Variants in PTPRO observed in about 807,000 individuals in gnomAD.
The protein encoded by PTPRO is receptor-type tyrosine-protein phosphatase O.
In PTPRO, 62 loss-of-function variants were observed where a neutral mutation model predicts 145.2. The observed-to-expected ratio is 0.43, with a 90% CI of 0.35 to 0.53. The LOEUF is 0.53. Among genes scored for constraint, PTPRO ranks in the 20% least tolerant of loss-of-function variants. The probability of loss-of-function intolerance (pLI) is 0.01; values close to 1 mark genes in which losing one functional copy is unlikely to be tolerated. For missense variants in PTPRO, 1,345 were observed against 1,482.7 expected (o/e 0.91, Z 1.53); for synonymous variants, 565 against 514.7 (o/e 1.10, Z -1.32).
chr12:15,575,813 C>T (rs1385058074), intron 19 of PTPRO, among the ~76,000 whole-genome samples: 2 of 152,216 alleles, frequency 1.3e-5, no homozygotes, highest in Admixed American at 1.3e-4. Context: ...TTCTTTGCCT[C>T]TTTCAGCTTC....
At chr12:15,477,403 A>G (rs1157607078) in intron 1 of PTPRO, among the ~76,000 whole-genome samples, 1 of 148,824 alleles carries the variant, frequency 6.7e-6, no homozygotes, top group Non-Finnish European at 1.5e-5. Flanking sequence ...CTAATGCTAG[A>G]TGATGAGTTA....
At chr12:15,486,856 T>C (rs1941898937) in intron 2 of PTPRO, among the ~76,000 whole-genome samples, 1 of 151,774 alleles carries the variant, frequency 6.6e-6, no homozygotes, top group South Asian at 2.1e-4. Context: ...ATAATACAAT[T>C]ATTTCTATGG....
intron 1 of PTPRO, chr12:15,440,051 C>CA: frequency 1.5e-6 from 1 of 648,546 alleles, no homozygotes; most frequent in Non-Finnish European, 2.8e-6. Context: ...GATCTGCAAG[C>CA]CCCACACTGT....
intron 1 of PTPRO, among the ~76,000 whole-genome samples, chr12:15,373,302 A>G (rs1452464852): frequency 6.6e-6 from 1 of 152,220 alleles, no homozygotes; most frequent in African/African-American, 2.4e-5. Flanking sequence ...ACTATAGGAC[A>G]GGAAAACAAA....
chr12:15,506,794 G>T (rs1375367805), intron 6 of PTPRO, among the ~76,000 whole-genome samples: 2 of 152,114 alleles, frequency 1.3e-5, no homozygotes, highest in Non-Finnish European at 2.9e-5. Flanking sequence ...AAATAAAGCA[G>T]TGGGTCTCTA....
intron 10 of PTPRO, among the ~76,000 whole-genome samples, chr12:15,520,968 TA>T (rs1333776345): frequency 1.3e-5 from 2 of 152,198 alleles, no homozygotes; most frequent in Non-Finnish European, 2.9e-5. Context: ...AAAAAACAAT[TA>T]GTCTTAGATC....
chr12:15,557,473 A>C lies in PTPRO; in HGVS notation c.2577A>C (p.Thr859=), dbSNP rs199841170. ...AAAACAGGGAGTGTGGAGCTGGTAC[A>C]TTTGTCAATTTTGCATCCTTAGAGA... ...LQMARECGAG[T]FVNFASLERD... The change falls in exon 16 of 27, where the codon ACA becomes ACC. Residue 859 remains threonine, a synonymous_variant. Coordinates refer to ENST00000281171, the MANE Select transcript of PTPRO (RefSeq NM_030667.3). The C allele has an allele frequency of 1.2e-5, 20 of 1,613,926 alleles. No homozygotes were observed. The East Asian group carries it at 4.2e-4, about 34-fold the overall frequency.
chr12:15,405,687 G>A (rs1939628911), intron 1 of PTPRO, among the ~76,000 whole-genome samples: 1 of 152,072 alleles, frequency 6.6e-6, no homozygotes, highest in Non-Finnish European at 1.5e-5. Context: ...CAAAGTATTG[G>A]CCGTTAAGAG....
chr12:15,461,656 C>T (rs752725539), intron 1 of PTPRO, among the ~76,000 whole-genome samples: 1 of 151,314 alleles, frequency 6.6e-6, no homozygotes, highest in African/African-American at 2.4e-5. Flanking sequence ...CAACCTCCGC[C>T]TCCTGGGTTC....
intron 9 of PTPRO, among the ~76,000 whole-genome samples, chr12:15,519,924 C>T (rs1942679466): frequency 6.6e-6 from 1 of 152,080 alleles, no homozygotes. Context: ...GACTGTTTCG[C>T]ATGTGTAATA....
At chr12:15,549,363 T>A in intron 14 of PTPRO, 137 bp downstream of exon 14, 1 of 492,988 alleles carries the variant, frequency 2.0e-6, no homozygotes, top group Non-Finnish European at 3.1e-6. Context: ...AAAGTGCACT[T>A]ACTAGCTATG....
chr12:15,334,708 A>T (rs1164802486), intron 1 of PTPRO, among the ~76,000 whole-genome samples: 1 of 152,156 alleles, frequency 6.6e-6, no homozygotes, highest in African/African-American at 2.4e-5. Flanking sequence ...CAAAAATAGA[A>T]GGAAAATTGT....
chr12:15,322,701 G>A lies in PTPRO; in HGVS notation c.-26G>A, dbSNP rs1565563319. 6.3e-7 allele frequency: 1 copy of A among 1,598,934 alleles called. No individual in the cohort carries two copies. Among genetic ancestry groups the A allele is most frequent in the Non-Finnish European group, 8.5e-7 (1 of 1,171,126 alleles). On this transcript the variant is annotated 5_prime_UTR_variant, in exon 1 of 27. Transcript: ENST00000281171. This position sits in a 1 kb window ranked among gnomAD's most constrained non-coding sequence, Gnocchi z 6.3. The stretch of plus-strand genomic sequence containing the variant: ...CGGGGGAGTCCGCTAGCGCAGCCGT[G>A]CCCCCGAGTCCCCGTCCGCGCAGCG...
intron 18 of PTPRO, among the ~76,000 whole-genome samples, chr12:15,567,675 A>G (rs1591747293): frequency 6.6e-6 from 1 of 152,178 alleles, no homozygotes; most frequent in African/African-American, 2.4e-5. Context: ...CCAGCCAGAG[A>G]GTGCAGTTCT....
intron 12 of PTPRO, among the ~76,000 whole-genome samples, chr12:15,535,601 G>A (rs184225274): frequency 2.9e-4 from 44 of 152,354 alleles, no homozygotes; most frequent in African/African-American, 1.0e-3. Flanking sequence ...CTGGCGCTTA[G>A]AGAAATGTGA....
At chr12:15,387,910 T>C (rs1370927765) in intron 1 of PTPRO, among the ~76,000 whole-genome samples, 1 of 151,944 alleles carries the variant, frequency 6.6e-6, no homozygotes, top group Non-Finnish European at 1.5e-5. Context: ...ATTCAAAGGG[T>C]TTTTCTTGGT....
At chr12:15,544,782 A>C (rs1046049430) in intron 12 of PTPRO, among the ~76,000 whole-genome samples, 10 of 152,188 alleles carry the variant, frequency 6.6e-5, no homozygotes, top group Admixed American at 1.3e-4. Flanking sequence ...TTATAAAGGA[A>C]GTGAGAAGTG....
intron 7 of PTPRO, among the ~76,000 whole-genome samples, chr12:15,514,027 C>T (rs889035937): frequency 4.6e-5 from 7 of 152,134 alleles, no homozygotes; most frequent in African/African-American, 1.4e-4. Flanking sequence ...CAAAGCAGCA[C>T]CTTAACCTTT....
At chr12:15,593,339 A>G (rs1156508885) in intron 25 of PTPRO, among the ~76,000 whole-genome samples, 1 of 152,248 alleles carries the variant, frequency 6.6e-6, no homozygotes, top group Non-Finnish European at 1.5e-5. Flanking sequence ...TCTCATTTAA[A>G]TGTTATTTCT....
Sources: allele counts gnomAD v4.1 joint callset (sites outside exome capture counted in the v4.1 genomes callset), GRCh38; gene constraint gnomAD v4.1.1; non-coding constraint Gnocchi (gnomAD v3.1); transcripts MANE v1.5; gene names NCBI Gene and HGNC (gene_info 2026-07-23, HGNC 2026-07-21).